The following MYH16 variants were observed in gnomAD, a reference collection of about 807,000 sequenced individuals.
MYH16 encodes putative uncharacterized protein MYH16.
At chr7:99,247,735 C>G (rs1351511303) in exon 3 of MYH16, 2 of 190,074 alleles carry the variant, frequency 1.1e-5, no homozygotes, top group African/African-American at 4.7e-5. Context: ...CAACGCCTAC[C>G]ACGACATGCT....
Position 99,277,721 on chromosome 7 carries a change from G to C in MYH16, n.2659+9G>C. The C allele has an allele frequency of 2.2e-6, 1 of 453,834 alleles. No individual in the cohort carries two copies. The highest frequency in any genetic ancestry group is 1.6e-5 in the South Asian group (1 of 64,156). 28.1% of individuals were successfully genotyped at this position (453,834 alleles called of 1,614,324 possible). On this transcript the variant is annotated intron_variant and non_coding_transcript_variant, in intron 21 of 41. Coordinates refer to ENST00000439784, the Ensembl canonical transcript of MYH16. ...CCATCCAGCTGCAGGCTGTACGTGG[G>C]GTCCCCAGGGAGAAGGGTGGGAAAC...
At chr7:99,252,080 G>T (rs1278017003) in intron 6 of MYH16, among the ~76,000 whole-genome samples, 1 of 152,188 alleles carries the variant, frequency 6.6e-6, no homozygotes, top group African/African-American at 2.4e-5. Context: ...TGGTGGAGGG[G>T]CTGGGAGGTC....
At chr7:99,290,456 C>T (rs1021188556) in intron 30 of MYH16, among the ~76,000 whole-genome samples, 3 of 140,080 alleles carry the variant, frequency 2.1e-5, no homozygotes, top group South Asian at 2.2e-4. Flanking sequence ...CACTGCACTC[C>T]AGCCTGGGCA....
intron 21 of MYH16, among the ~76,000 whole-genome samples, chr7:99,277,916 T>TGTGA (rs1478749471): frequency 6.6e-4 from 87 of 132,322 alleles, no homozygotes; most frequent in South Asian, 1.0e-3. Flanking sequence ...TGTGTGTGTG[T>TGTGA]GAGAGAGAGA....
At chr7:99,286,191 G>A (rs1417485903) in intron 27 of MYH16, among the ~76,000 whole-genome samples, 4 of 152,254 alleles carry the variant, frequency 2.6e-5, no homozygotes, top group Non-Finnish European at 5.9e-5. Context: ...GGGAGACCAA[G>A]GCAGGAGGAT....
chr7:99,274,840 A>G (rs745583260), intron 20 of MYH16, among the ~76,000 whole-genome samples: 6 of 151,436 alleles, frequency 4.0e-5, no homozygotes, highest in Non-Finnish European at 8.8e-5. Flanking sequence ...TACCTGGCTA[A>G]TTTTTGTATT....
chr7:99,269,736 T>C (rs563220760), intron 18 of MYH16, among the ~76,000 whole-genome samples: 11 of 152,224 alleles, frequency 7.2e-5, no homozygotes, highest in Non-Finnish European at 1.5e-4. Context: ...TCCTCATTGG[T>C]ACGTGACATT....
chr7:99,258,953 C>T (rs768670019), intron 11 of MYH16, among the ~76,000 whole-genome samples: 6 of 152,068 alleles, frequency 3.9e-5, no homozygotes, highest in Non-Finnish European at 5.9e-5. Context: ...AGGAAACTTA[C>T]GATCATGGTG....
chr7:99,286,863 A>G (rs1322941184), intron 28 of MYH16, among the ~76,000 whole-genome samples: 2 of 151,848 alleles, frequency 1.3e-5, no homozygotes, highest in African/African-American at 4.8e-5. Context: ...CTAAAGAAGG[A>G]GGATCACTTG....
At chr7:99,246,948 T>C (rs951782366) in intron 2 of MYH16, among the ~76,000 whole-genome samples, 4 of 152,186 alleles carry the variant, frequency 2.6e-5, no homozygotes, top group African/African-American at 9.7e-5. Context: ...CCTCGATTTA[T>C]GATCAAACCC....
At chr7:99,283,919 A>G (rs910071426) in exon 25 of MYH16, 15 of 456,398 alleles carry the variant, frequency 3.3e-5, no homozygotes, top group Non-Finnish European at 6.2e-5. Context: ...GCGGAGGTGG[A>G]AAAGGCTCGT....
chr7:99,262,235 A>G (rs923728239), intron 13 of MYH16, among the ~76,000 whole-genome samples: 1 of 152,178 alleles, frequency 6.6e-6, no homozygotes, highest in Non-Finnish European at 1.5e-5. Flanking sequence ...TGTAAGTGCC[A>G]ATGCTCCTGT....
chr7:99,258,809 C>T (rs1791903279), intron 11 of MYH16, among the ~76,000 whole-genome samples: 2 of 71,452 alleles, frequency 2.8e-5, no homozygotes, highest in South Asian at 3.7e-4. Context: ...CAGCTCACCA[C>T]TAAAAAAAAA....
chr7:99,286,761 C>A (rs1327143500), intron 28 of MYH16, among the ~76,000 whole-genome samples: 1 of 151,428 alleles, frequency 6.6e-6, no homozygotes, highest in Non-Finnish European at 1.5e-5. Context: ...GGATTTCTGA[C>A]CAGCCTGGGC....
chr7:99,242,728 T>G (rs751824254), intron 1 of MYH16, among the ~76,000 whole-genome samples: 3 of 152,166 alleles, frequency 2.0e-5, no homozygotes, highest in African/African-American at 7.2e-5. Flanking sequence ...CATGGTCAGT[T>G]ACAGATCAAA....
chr7:99,305,224 G>C (rs576369468), intron 40 of MYH16, among the ~76,000 whole-genome samples: 1 of 151,350 alleles, frequency 6.6e-6, no homozygotes, highest in Non-Finnish European at 1.5e-5. Context: ...AAAGAAAGAA[G>C]GAAGGGAGGG....
chr7:99,288,859 A>G (rs56379655), intron 29 of MYH16, among the ~76,000 whole-genome samples: 2,806 of 152,118 alleles, frequency 0.018, 71 homozygotes, highest in African/African-American at 0.064. Flanking sequence ...TAACGCCTGT[A>G]ATCCCAGCAC....
intron 20 of MYH16, among the ~76,000 whole-genome samples, chr7:99,274,405 T>A (rs948787670): frequency 6.6e-6 from 1 of 152,172 alleles, no homozygotes; most frequent in Non-Finnish European, 1.5e-5. Flanking sequence ...TCATCTCGGG[T>A]GGCCCTGAGT....
chr7:99,250,170 AG>A (rs1418490920), intron 5 of MYH16: 1 of 152,640 alleles, frequency 6.6e-6, no homozygotes, highest in African/African-American at 2.4e-5. Context: ...CTCACAGCTT[AG>A]GGCCATTTTA....
Sources: allele counts gnomAD v4.1 joint callset (sites outside exome capture counted in the v4.1 genomes callset), GRCh38; gene constraint gnomAD v4.1.1; transcripts MANE v1.5; gene names NCBI Gene and HGNC (gene_info 2026-07-23, HGNC 2026-07-21).